CEP126: variants seen among roughly 807,000 people sequenced by gnomAD.
The protein encoded by CEP126 is centrosomal protein 126.
CEP126 carries 74 observed loss-of-function variants against 107.8 expected under a neutral mutation model. That is an observed-to-expected ratio of 0.69 (90% CI 0.57 to 0.83). The LOEUF (loss-of-function observed/expected upper bound fraction) is 0.83, where lower values mean the gene tolerates loss of function less well. Among genes scored for constraint, CEP126 ranks in the 40% least tolerant of loss-of-function variants. The pLI, the probability that CEP126 is intolerant of heterozygous loss-of-function variation, is 0.00. For synonymous variants in CEP126, 449 were observed against 446.0 expected, an observed-to-expected ratio of 1.01 and a Z score of -0.08; for missense variants, 1,237 against 1,281.9, an observed-to-expected ratio of 0.96 and a Z score of 0.53.
At chr11:101,931,985 A>G (rs981656410) in intron 2 of CEP126, among the ~76,000 whole-genome samples, 2 of 152,240 alleles carry the variant, frequency 1.3e-5, no homozygotes, top group Admixed American at 1.3e-4. Flanking sequence ...GCAGAGCTGC[A>G]TATGTTAAAC....
At chr11:101,966,192 A>G (rs1941055560) in intron 6 of CEP126, among the ~76,000 whole-genome samples, 2 of 152,330 alleles carry the variant, frequency 1.3e-5, no homozygotes, top group East Asian at 1.9e-4. Flanking sequence ...ATCTATACCT[A>G]TTAATACAGC....
rs1940176862 is a variant in CEP126, at chr11:101,915,246, G to C, written c.-39G>C. The C allele has an allele frequency of 4.3e-6, 7 of 1,611,134 alleles. No individual in the cohort carries two copies. Among genetic ancestry groups the C allele is most frequent in the Non-Finnish European group, 5.1e-6 (6 of 1,178,922 alleles). ...GGAAGCCGGAGCTGCCATGAGGGAG[G>C]TTCTGGGGGCGAGCAGACAGGCGGC... On this transcript the variant is annotated 5_prime_UTR_variant, in exon 1 of 11. Coordinates refer to ENST00000263468, the MANE Select transcript of CEP126 (RefSeq NM_020802.4).
At chr11:101,948,962 C>G (rs1198151558) in intron 4 of CEP126, among the ~76,000 whole-genome samples, 1 of 152,058 alleles carries the variant, frequency 6.6e-6, no homozygotes, top group Non-Finnish European at 1.5e-5. Flanking sequence ...GCAACAGTTC[C>G]CTTGATTAGG....
chr11:101,950,088 A>C (rs1591279121), intron 4 of CEP126, among the ~76,000 whole-genome samples: 2 of 152,190 alleles, frequency 1.3e-5, no homozygotes, highest in East Asian at 3.8e-4. Flanking sequence ...AAATGTGGTA[A>C]TGAATCTGGA....
chr11:101,944,281 CGAAAA>C lies in CEP126; in HGVS notation c.269_273del (p.Lys90ThrfsTer9). 1 of 1,590,970 alleles carries C rather than the reference CGAAAA, an allele frequency of 6.3e-7. No homozygotes were observed. On this transcript the variant is annotated frameshift_variant, in exon 3 of 11. Transcript: ENST00000263468. LOFTEE classifies it high-confidence loss of function. ...TAAATATAGAGCTTTTGAGGAGAAA[CGAAAA>C]GAACAGGAAGAAAAAGAACACCAAA...
At chr11:101,971,258 G>A (rs1432257700) in intron 6 of CEP126, among the ~76,000 whole-genome samples, 5 of 152,138 alleles carry the variant, frequency 3.3e-5, no homozygotes, top group African/African-American at 1.2e-4. Context: ...GTAGGCGTGA[G>A]CCACCGTGCC....
At position 101,998,056 on chromosome 11, in the gene CEP126, T is replaced by C. The variant is rs1213071417; in HGVS notation, c.*413T>C. ...CCTCTTTATTAAACCTCTAACTTAC[T>C]GATAAGATGTTTATGAAGTATGGCA... On this transcript the variant is annotated 3_prime_UTR_variant, in exon 11 of 11. Coordinates refer to ENST00000263468, the MANE Select transcript of CEP126 (RefSeq NM_020802.4). 1.3e-5 allele frequency: 2 copies of C among 158,024 alleles called. No individual in the cohort carries two copies. Among genetic ancestry groups the C allele is most frequent in the African/African-American group, 4.8e-5 (2 of 41,384 alleles). The allele number at this position is 158,024 out of a possible 1,614,324, so 9.8% of individuals were successfully genotyped here.
At chr11:101,929,738 G>GT (rs1565350670) in intron 2 of CEP126, among the ~76,000 whole-genome samples, 2 of 152,280 alleles carry the variant, frequency 1.3e-5, no homozygotes, top group African/African-American at 4.8e-5. Flanking sequence ...AAAGCCAGGC[G>GT]TTCTACTCAG....
chr11:101,942,044 G>C (rs144020274), intron 2 of CEP126, among the ~76,000 whole-genome samples: 1 of 151,998 alleles, frequency 6.6e-6, no homozygotes, highest in Non-Finnish European at 1.5e-5. Context: ...ATCCTTATCA[G>C]ATATGTGATT....
intron 4 of CEP126, among the ~76,000 whole-genome samples, chr11:101,949,045 T>C (rs117160550): frequency 0.014 from 2,150 of 152,300 alleles, 19 homozygotes; most frequent in Middle Eastern, 0.027. Context: ...CAGAGAATTC[T>C]TCAGCAAAGC....
intron 8 of CEP126, among the ~76,000 whole-genome samples, chr11:101,982,454 T>C (rs139971589): frequency 6.6e-6 from 1 of 152,308 alleles, no homozygotes; most frequent in Non-Finnish European, 1.5e-5. Flanking sequence ...AATAGTATTA[T>C]ATTAGTTTTG....
intron 6 of CEP126, among the ~76,000 whole-genome samples, chr11:101,966,801 A>G (rs1239576717): frequency 6.6e-6 from 1 of 152,038 alleles, no homozygotes; most frequent in Non-Finnish European, 1.5e-5. Flanking sequence ...TTTTAGATAT[A>G]GAGGGTACAT....
At position 101,989,069 on chromosome 11, in the gene CEP126, C is replaced by A. The variant is rs546833339; in HGVS notation, c.3244+2028C>A. On this transcript the variant is annotated intron_variant, in intron 9 of 10. Transcript: ENST00000263468. ...TTATAAAATGAACCATGTATAAGACCATGAAACAAGCCTTAACACATTTCA... is the reference window on the plus strand; with the variant it reads ...TTATAAAATGAACCATGTATAAGACAATGAAACAAGCCTTAACACATTTCA... 1.7e-3 allele frequency among the ~76,000 whole-genome samples: 264 copies of A among 152,032 alleles called. 1 individual carries two copies. Among genetic ancestry groups the A allele is most frequent in the African/African-American group, 6.2e-3 (256 of 41,450 alleles).
intron 7 of CEP126, among the ~76,000 whole-genome samples, chr11:101,979,273 T>C (rs1941228625): frequency 6.6e-6 from 1 of 152,188 alleles, no homozygotes. Context: ...GGGAAATTGA[T>C]AATGATGTTG....
rs1313551777 is a variant in CEP126 at position 101,997,914 on chromosome 11, A to G, written c.*271A>G. The G allele has an allele frequency of 2.2e-5, 8 of 361,130 alleles. No individual in the cohort carries two copies. Among genetic ancestry groups the G allele is most frequent in the Non-Finnish European group, 4.0e-5 (8 of 198,930 alleles). 22.4% of individuals were successfully genotyped at this position (361,130 alleles called of 1,614,324 possible). A position where few individuals can be genotyped will look rare whatever the true frequency, so the allele number is the denominator to read the frequency against. On this transcript the variant is annotated 3_prime_UTR_variant, in exon 11 of 11. Transcript: ENST00000263468. Reference sequence around the variant, plus strand: ...AACCTAGCTCTGAATACATGCCACAAGGATGAAGCTTGTGAGTAGAGCAAA... The same window carrying G: ...AACCTAGCTCTGAATACATGCCACAGGGATGAAGCTTGTGAGTAGAGCAAA...
At chr11:101,989,182 C>T (rs1941347705) in intron 9 of CEP126, among the ~76,000 whole-genome samples, 1 of 151,934 alleles carries the variant, frequency 6.6e-6, no homozygotes, top group Non-Finnish European at 1.5e-5. Context: ...TTAAGAAACA[C>T]ATTTCTAAAT....
intron 9 of CEP126, among the ~76,000 whole-genome samples, chr11:101,987,392 A>G (rs1320528991): frequency 6.6e-6 from 1 of 152,206 alleles, no homozygotes; most frequent in African/African-American, 2.4e-5. Flanking sequence ...GCTAGTAAGA[A>G]TGTAAGACAT....
In CEP126 at chr11:101,998,066, T is replaced by C. The variant is rs976729458; in HGVS notation, c.*423T>C. 1.9e-5 allele frequency: 3 copies of C among 154,124 alleles called. No individual in the cohort carries two copies. Among genetic ancestry groups the C allele is most frequent in the Non-Finnish European group, 4.2e-5 (3 of 70,752 alleles). 9.5% of individuals were successfully genotyped at this position (154,124 alleles called of 1,614,324 possible). A position where few individuals can be genotyped will look rare whatever the true frequency, so the allele number is the denominator to read the frequency against. On this transcript the variant is annotated 3_prime_UTR_variant, in exon 11 of 11. Transcript: ENST00000263468. ...AAACCTCTAACTTACTGATAAGATG[T>C]TTATGAAGTATGGCATATTTTGATT...
chr11:101,985,187 T>C (rs1184456593), intron 8 of CEP126, among the ~76,000 whole-genome samples: 1 of 152,204 alleles, frequency 6.6e-6, no homozygotes, highest in Non-Finnish European at 1.5e-5. Context: ...GATGGTTCAA[T>C]ATACACCAAC....
Sources: gnomAD v4.1 joint callset for allele counts (sites outside exome capture counted in the v4.1 genomes callset) on GRCh38, gnomAD v4.1.1 for gene constraint, MANE v1.5 for transcripts, NCBI Gene and HGNC (gene_info 2026-07-23, HGNC 2026-07-21) for gene names.